Variants in CLECL1 observed in about 807,000 individuals in gnomAD.
CLECL1 encodes C-type lectin-like domain family 1.
downstream of CLECL1, among the ~76,000 whole-genome samples, chr12:9,722,020 T>G (rs1398822079): frequency 6.6e-6 from 1 of 152,228 alleles, no homozygotes; most frequent in Non-Finnish European, 1.5e-5. Context: ...TGTAAAGCAC[T>G]GCTAGCCACA....
At chr12:9,722,569 T>C, downstream of CLECL1, 1 of 1,516,784 alleles carries the variant, frequency 6.6e-7, no homozygotes, top group East Asian at 2.3e-5. Flanking sequence ...TTTCACAGAC[T>C]TTTGCCAAGT....
chr12:9,733,323 T>G, upstream of CLECL1: 4 of 1,148,862 alleles, frequency 3.5e-6, no homozygotes, highest in Non-Finnish European at 5.0e-6. Context: ...CTTTTAACTT[T>G]TATTAATACC....
chr12:9,730,905 CA>C (rs1438340456), intron 1 of CLECL1, among the ~76,000 whole-genome samples: 1 of 152,028 alleles, frequency 6.6e-6, no homozygotes, highest in Admixed American at 6.5e-5. Flanking sequence ...AGGCTGGTAC[CA>C]ATCTCATGGG....
intron 2 of CLECL1, among the ~76,000 whole-genome samples, chr12:9,729,542 G>A (rs1235686826): frequency 6.6e-6 from 1 of 151,098 alleles, no homozygotes; most frequent in African/African-American, 2.4e-5. Flanking sequence ...AACAAGTTAG[G>A]AGAAAAATAA....
At chr12:9,715,183 A>G (rs1003835078), downstream of CLECL1, among the ~76,000 whole-genome samples, 8 of 152,222 alleles carry the variant, frequency 5.3e-5, no homozygotes, top group African/African-American at 1.9e-4. Flanking sequence ...CACATCTCAC[A>G]TAAATATGAT....
the CLECL1 span, among the ~76,000 whole-genome samples, chr12:9,707,978 C>T: frequency 7.2e-4 from 109 of 152,316 alleles, no homozygotes; most frequent in African/African-American, 2.3e-3. Flanking sequence ...TCGACAGCCA[C>T]AGGTACACAT....
intron 3 of CLECL1, among the ~76,000 whole-genome samples, chr12:9,725,558 G>T (rs1866370242): frequency 6.6e-6 from 1 of 151,936 alleles, no homozygotes; most frequent in African/African-American, 2.4e-5. Flanking sequence ...TAAAAAAATA[G>T]ATTTCTAAAG....
chr12:9,711,156 C>G (rs183898667), downstream of CLECL1, among the ~76,000 whole-genome samples: 9 of 152,164 alleles, frequency 5.9e-5, no homozygotes, highest in Non-Finnish European at 1.2e-4. Context: ...ACAGCCTGCC[C>G]GCCTGTAAGC....
downstream of CLECL1, chr12:9,718,860 T>A: frequency 1.6e-6 from 1 of 631,782 alleles, no homozygotes; most frequent in Non-Finnish European, 2.8e-6. Flanking sequence ...CTGTGAAAAA[T>A]AAGTTTCTGT....
At chr12:9,718,145 T>G (rs1257007324), downstream of CLECL1, among the ~76,000 whole-genome samples, 1 of 152,168 alleles carries the variant, frequency 6.6e-6, no homozygotes, top group Admixed American at 6.5e-5. Context: ...AATTTCTAGT[T>G]TAATTTTATT....
chr12:9,722,855 T>C, intron 3 of CLECL1, 42 bp from the exon 2 acceptor site: 1 of 1,453,090 alleles, frequency 6.9e-7, no homozygotes, highest in Non-Finnish European at 9.5e-7. Flanking sequence ...AATGTAAAAC[T>C]GTATCCTAAT....
At chr12:9,733,470 G>T (rs1297504658), upstream of CLECL1, among the ~76,000 whole-genome samples, 1 of 152,142 alleles carries the variant, frequency 6.6e-6, no homozygotes, top group Non-Finnish European at 1.5e-5. Flanking sequence ...ACAAGAAAAA[G>T]AAGGGATTTT....
At chr12:9,724,016 T>C (rs10844610) in intron 3 of CLECL1, among the ~76,000 whole-genome samples, 47,413 of 151,038 alleles carry the variant, frequency 0.31, 7,829 homozygotes, top group South Asian at 0.47. Flanking sequence ...AAAATCCCAT[T>C]TCTACAAAAA....
At chr12:9,733,323 T>C (rs1866478109), upstream of CLECL1, 2 of 1,148,744 alleles carry the variant, frequency 1.7e-6, no homozygotes, top group Non-Finnish European at 2.5e-6. Flanking sequence ...CTTTTAACTT[T>C]TATTAATACC....
chr12:9,733,093 T>A (rs1043890968), upstream of CLECL1: 1 of 1,598,132 alleles, frequency 6.3e-7, no homozygotes, highest in Admixed American at 1.7e-5. Flanking sequence ...CAATCATATT[T>A]CTGCAAAGAA....
chr12:9,715,922 C>G (rs1421141110), exon 3 of CLECL1: 1 of 152,372 alleles, frequency 6.6e-6, no homozygotes, highest in Non-Finnish European at 1.5e-5. Context: ...TTGGCCTCCT[C>G]TCTGCCATCA....
At chr12:9,708,169 A>G in the CLECL1 span, among the ~76,000 whole-genome samples, 1 of 152,188 alleles carries the variant, frequency 6.6e-6, no homozygotes, top group Non-Finnish European at 1.5e-5. Context: ...CCCCTGGCCA[A>G]GGAATTAAAT....
chr12:9,726,795 G>A (rs1866385415), intron 3 of CLECL1, among the ~76,000 whole-genome samples: 1 of 151,754 alleles, frequency 6.6e-6, no homozygotes, highest in South Asian at 2.1e-4. Context: ...ACAGGTATAA[G>A]GATTACAAGA....
At chr12:9,705,937 T>C in the CLECL1 span, among the ~76,000 whole-genome samples, 1 of 151,848 alleles carries the variant, frequency 6.6e-6, no homozygotes, top group Non-Finnish European at 1.5e-5. Flanking sequence ...TAGGTATTTT[T>C]CTATTGAATC....
Sources: allele counts gnomAD v4.1 joint callset (sites outside exome capture counted in the v4.1 genomes callset), GRCh38; gene constraint gnomAD v4.1.1; transcripts MANE v1.5; gene names NCBI Gene and HGNC (gene_info 2026-07-23, HGNC 2026-07-21).